Variants in EPB41L4A observed in about 807,000 individuals in gnomAD.
The protein encoded by EPB41L4A is erythrocyte membrane protein band 4.1 like 4A.
Under a neutral mutation model 108.6 loss-of-function variants are expected in EPB41L4A, and 100 were observed. The observed-to-expected ratio is 0.92, with a 90% CI of 0.78 to 1.09. EPB41L4A has a LOEUF of 1.09. Among genes scored for constraint, EPB41L4A ranks in the 50% least tolerant of loss-of-function variants. The pLI, the probability that EPB41L4A is intolerant of heterozygous loss-of-function variation, is 0.00. For synonymous variants in EPB41L4A, 319 were observed against 289.0 expected (o/e 1.10, Z -1.05); for missense variants, 1,030 against 842.7 (o/e 1.22, Z -2.75).
chr5:112,239,246 G>GA (rs1263248523), intron 11 of EPB41L4A, among the ~76,000 whole-genome samples: 1 of 152,148 alleles, frequency 6.6e-6, no homozygotes, highest in Non-Finnish European at 1.5e-5. Flanking sequence ...TCATGTTGCA[G>GA]AAAAAACAAG....
chr5:112,362,941 A>T (rs1174218877), intron 1 of EPB41L4A, among the ~76,000 whole-genome samples: 3 of 151,936 alleles, frequency 2.0e-5, no homozygotes, highest in Admixed American at 2.0e-4. Context: ...GCAAGATTTC[A>T]GAAACCTTTA....
chr5:112,344,750 TG>T (rs1419411460), intron 1 of EPB41L4A, among the ~76,000 whole-genome samples: 2 of 152,302 alleles, frequency 1.3e-5, no homozygotes, highest in Non-Finnish European at 2.9e-5. Flanking sequence ...TGCTGCCCTA[TG>T]GAAGTCAGAC....
intron 1 of EPB41L4A, among the ~76,000 whole-genome samples, chr5:112,321,473 T>C (rs540241593): frequency 6.6e-6 from 1 of 152,316 alleles, no homozygotes; most frequent in South Asian, 2.1e-4. Context: ...TTAATACTGC[T>C]TTATTTGATG....
intron 9 of EPB41L4A, among the ~76,000 whole-genome samples, chr5:112,248,737 T>C (rs1459950236): frequency 6.6e-6 from 1 of 152,152 alleles, no homozygotes; most frequent in African/African-American, 2.4e-5. Context: ...GAAATCTACT[T>C]TCGCCTAGCT....
At chr5:112,144,776 G>A (rs1684043027) in intron 13 of EPB41L4A, among the ~76,000 whole-genome samples, 1 of 152,156 alleles carries the variant, frequency 6.6e-6, no homozygotes, top group Non-Finnish European at 1.5e-5. Flanking sequence ...TGTTGCAATT[G>A]TTGCTACTGC....
chr5:112,149,965 C>T (rs192582495), intron 12 of EPB41L4A, among the ~76,000 whole-genome samples: 12 of 152,222 alleles, frequency 7.9e-5, no homozygotes, highest in Admixed American at 7.2e-4. Flanking sequence ...AACGTCTGTT[C>T]CCTGAAAGGT....
intron 13 of EPB41L4A, among the ~76,000 whole-genome samples, chr5:112,144,819 A>G (rs1239445779): frequency 6.6e-6 from 1 of 152,202 alleles, no homozygotes; most frequent in Admixed American, 6.5e-5. Flanking sequence ...TAAATGTCAC[A>G]TGTATGAATA....
At chr5:112,321,714 A>G (rs1348805073) in intron 1 of EPB41L4A, among the ~76,000 whole-genome samples, 1 of 152,206 alleles carries the variant, frequency 6.6e-6, no homozygotes, top group Non-Finnish European at 1.5e-5. Flanking sequence ...AGGGCTTTTT[A>G]AAATATAATA....
chr5:112,229,965 G>C (rs957911180), intron 12 of EPB41L4A, among the ~76,000 whole-genome samples: 10 of 148,798 alleles, frequency 6.7e-5, no homozygotes, highest in African/African-American at 7.5e-5. Context: ...TCCAGCCTGG[G>C]AGGCAGAGCT....
At chr5:112,246,286 C>T (rs1750216527) in intron 9 of EPB41L4A, among the ~76,000 whole-genome samples, 1 of 152,006 alleles carries the variant, frequency 6.6e-6, no homozygotes, top group Non-Finnish European at 1.5e-5. Context: ...GATTATAAAA[C>T]GTATTTTAAC....
intron 1 of EPB41L4A, among the ~76,000 whole-genome samples, chr5:112,418,079 G>A (rs1255112298): frequency 1.3e-5 from 2 of 152,154 alleles, no homozygotes; most frequent in Non-Finnish European, 2.9e-5. Flanking sequence ...ACCAGACTCA[G>A]CTGTTGCCTT....
intron 1 of EPB41L4A, among the ~76,000 whole-genome samples, chr5:112,404,331 T>A (rs1761955813): frequency 6.6e-6 from 1 of 152,214 alleles, no homozygotes. Context: ...ATAGTGTTAT[T>A]CTCATTTCAC....
At chr5:112,262,936 C>T (rs907773426) in intron 6 of EPB41L4A, among the ~76,000 whole-genome samples, 1 of 152,148 alleles carries the variant, frequency 6.6e-6, no homozygotes, top group Non-Finnish European at 1.5e-5. Flanking sequence ...TGTCTCTGTG[C>T]ACCAGCAGCT....
chr5:112,204,331 G>A, intron 15 of EPB41L4A, 44 bp downstream of exon 15: 6 of 1,329,210 alleles, frequency 4.5e-6, no homozygotes, highest in Non-Finnish European at 6.5e-6. Flanking sequence ...GGGACAAAAT[G>A]CTTCTGTTGA....
chr5:112,210,541 C>G (rs906333350), intron 12 of EPB41L4A, among the ~76,000 whole-genome samples: 2 of 152,076 alleles, frequency 1.3e-5, no homozygotes, highest in African/African-American at 4.8e-5. Flanking sequence ...TCCTAAAAAT[C>G]TGAAACTGAA....
In EPB41L4A at chr5:112,194,592, C is replaced by G; in HGVS notation, c.1478G>C (p.Arg493Thr). The change falls in exon 17 of 23, where the codon AGA (arginine) becomes ACA (threonine). Residue 493 changes from arginine to threonine, a missense_variant. By Grantham distance (71) the Arg-to-Thr change is moderately conservative. Transcript: ENST00000261486. Reference protein sequence around the residue: ...SSGSESENSNREYRKKRNRIR... With the variant: ...SSGSESENSNTEYRKKRNRIR... ...CCTGTTTCTCTTTTTCCGGTATTCT[C>G]TATTAGAATTTTCTGATTCACTACC... 1.9e-6 allele frequency: 3 copies of G among 1,602,876 alleles called. No homozygotes were observed. The highest frequency in any genetic ancestry group is 2.6e-6 in the Non-Finnish European group (3 of 1,173,242).
intron 1 of EPB41L4A, among the ~76,000 whole-genome samples, chr5:112,351,956 G>A (rs762343787): frequency 2.0e-5 from 3 of 152,178 alleles, no homozygotes; most frequent in East Asian, 1.9e-4. Context: ...ATTCTTTTAT[G>A]ATAAAAACTC....
At chr5:112,330,146 G>C (rs924623461) in intron 1 of EPB41L4A, among the ~76,000 whole-genome samples, 1 of 151,798 alleles carries the variant, frequency 6.6e-6, no homozygotes, top group Admixed American at 6.6e-5. Flanking sequence ...GTGGGGTGCT[G>C]AAAGTATTTC....
intron 1 of EPB41L4A, among the ~76,000 whole-genome samples, chr5:112,389,969 C>T (rs540315800): frequency 1.3e-5 from 2 of 152,290 alleles, no homozygotes; most frequent in East Asian, 3.9e-4. Context: ...GGCGGTTCTA[C>T]CAATGCCAAA....
Sources: allele counts gnomAD v4.1 joint callset (sites outside exome capture counted in the v4.1 genomes callset), GRCh38; gene constraint gnomAD v4.1.1; transcripts MANE v1.5; gene names NCBI Gene and HGNC (gene_info 2026-07-23, HGNC 2026-07-21).